The following ATP13A3 variants were observed in gnomAD, a reference collection of about 807,000 sequenced individuals.
The protein encoded by ATP13A3 is polyamine-transporting ATPase 13A3.
ATP13A3 carries 59 observed loss-of-function variants against 158.1 expected under a neutral mutation model. That is an observed-to-expected ratio of 0.37 (90% CI 0.30 to 0.46). The LOEUF is 0.46. Among genes scored for constraint, ATP13A3 ranks in the 20% least tolerant of loss-of-function variants. The pLI, the probability that ATP13A3 is intolerant of heterozygous loss-of-function variation, is 1.00. For synonymous variants in ATP13A3, 491 were observed against 504.3 expected, an observed-to-expected ratio of 0.97 and a Z score of 0.35; for missense variants, 1,166 against 1,525.2, an observed-to-expected ratio of 0.76 and a Z score of 3.92.
At position 194,430,939 on chromosome 3, in the gene ATP13A3, T is replaced by C; in HGVS notation, c.2624+4A>G. The stretch of plus-strand genomic sequence containing the variant: ...CCAAAACCAAAAAAGACACCAATAC[T>C]TACTCAACATTTTGCAATGCTTCTA... On this transcript the variant is annotated splice_donor_region_variant and intron_variant, in intron 24 of 33. Coordinates refer to ENST00000645319, the MANE Select transcript of ATP13A3 (RefSeq NM_001367549.1). 1 of 1,606,752 alleles carries C rather than the reference T, an allele frequency of 6.2e-7. No individual in the cohort carries two copies. Among genetic ancestry groups the C allele is most frequent in the Non-Finnish European group, 8.5e-7 (1 of 1,175,980 alleles).
In ATP13A3 at chr3:194,474,287, G is replaced by GGGCT. The variant is rs1397877851; in HGVS notation, c.-47+11503_-47+11506dup. The stretch of plus-strand genomic sequence containing the variant: ...AAGGGATGCTCCCTTGAGCAGGAAG[G>GGGCT]GGCTGCAGGCCTGAGCCACCACACC... On this transcript the variant is annotated intron_variant, in intron 2 of 33. Transcript: ENST00000645319. 2.0e-5 allele frequency among the ~76,000 whole-genome samples: 3 copies of GGGCT among 152,088 alleles called. No homozygotes were observed. In the East Asian group the frequency reaches 5.8e-4, roughly 29 times the overall value.
At chr3:194,452,125 C>A (rs145949438) in intron 10 of ATP13A3, 1 of 152,376 alleles carries the variant, frequency 6.6e-6, no homozygotes, top group East Asian at 1.9e-4. Context: ...GAGGCCAAGG[C>A]GGGCAGATCA....
At chr3:194,469,609 T>C (rs969955843) in intron 2 of ATP13A3, among the ~76,000 whole-genome samples, 1 of 152,228 alleles carries the variant, frequency 6.6e-6, no homozygotes, top group Non-Finnish European at 1.5e-5. Context: ...CCTTGTATTG[T>C]TGAATGAGAG....
chr3:194,455,743 G>A, intron 8 of ATP13A3, 150 bp downstream of exon 8: 1 of 584,438 alleles, frequency 1.7e-6, no homozygotes, highest in Non-Finnish European at 3.0e-6. Flanking sequence ...TTCTCTACCA[G>A]AGTAAATGTC....
At chr3:194,435,074 A>C (rs1717524857) in intron 20 of ATP13A3, among the ~76,000 whole-genome samples, 1 of 152,210 alleles carries the variant, frequency 6.6e-6, no homozygotes. Flanking sequence ...TTTCTGACAA[A>C]ATTCCAATAA....
At chr3:194,445,320 T>A (rs1353336421) in intron 14 of ATP13A3, among the ~76,000 whole-genome samples, 1 of 152,182 alleles carries the variant, frequency 6.6e-6, no homozygotes, top group Non-Finnish European at 1.5e-5. Flanking sequence ...GGATTCTGAC[T>A]GAAAAATCAA....
rs535106857 is a variant in ATP13A3, at chr3:194,446,841, T to A, written c.1497+86A>T. On this transcript the variant is annotated intron_variant, in intron 14 of 33. Coordinates refer to ENST00000645319, the MANE Select transcript of ATP13A3 (RefSeq NM_001367549.1). Reference sequence around the variant, plus strand: ...GAACATGACAGAATGTGTCCAAATTTGTTGACAAAGAAAATAAAAAACATT... The same window carrying A: ...GAACATGACAGAATGTGTCCAAATTAGTTGACAAAGAAAATAAAAAACATT... 3.1e-6 allele frequency: 4 copies of A among 1,295,222 alleles called. No individual in the cohort carries two copies. The East Asian group carries it at 7.2e-5, about 23-fold the overall frequency. The allele number at this position is 1,295,222 out of a possible 1,614,324, so 80.2% of individuals were successfully genotyped here.
In ATP13A3 at chr3:194,431,181, T is replaced by C; in HGVS notation, c.2467A>G (p.Met823Val). ...TTCATTGCAAAATGATAACGAGTCA[T>C]TTGAAGATCCTCTAAGCTATCATGG... ...LVHDSLEDLQMTRYHFAMNGK... is the reference protein window; with the variant it reads ...LVHDSLEDLQVTRYHFAMNGK... Residue 823 changes from methionine to valine, a missense_variant, in exon 23 of 34, where the codon ATG (methionine) becomes GTG (valine). By Grantham distance (21) the Met-to-Val change is conservative (BLOSUM62 1). Coordinates refer to ENST00000645319, the MANE Select transcript of ATP13A3 (RefSeq NM_001367549.1). The C allele has an allele frequency of 1.2e-6, 2 of 1,613,730 alleles. No homozygotes were observed. The highest frequency in any genetic ancestry group is 1.7e-6 in the Non-Finnish European group (2 of 1,179,654).
Position 194,462,218 on chromosome 3 carries a change from T to C in ATP13A3, c.-28A>G. 6.2e-7 allele frequency: 1 copy of C among 1,602,132 alleles called. No homozygotes were observed. The highest frequency in any genetic ancestry group is 1.1e-5 in the South Asian group (1 of 90,736). On this transcript the variant is annotated 5_prime_UTR_variant, in exon 3 of 34. Coordinates refer to ENST00000645319, the MANE Select transcript of ATP13A3 (RefSeq NM_001367549.1). ...CTACAGTGGATTAAAGGTCCAGTGC[T>C]TCAAACAATGGAAGATCACTGAGGG...
intron 2 of ATP13A3, among the ~76,000 whole-genome samples, chr3:194,473,152 A>C (rs1399199773): frequency 6.6e-6 from 1 of 152,214 alleles, no homozygotes; most frequent in Non-Finnish European, 1.5e-5. Flanking sequence ...ATAAAAGTTG[A>C]AATTTCAATG....
chr3:194,464,086 A>G (rs1719841845), intron 2 of ATP13A3, among the ~76,000 whole-genome samples: 1 of 152,192 alleles, frequency 6.6e-6, no homozygotes, highest in Non-Finnish European at 1.5e-5. Flanking sequence ...GCTTGAACCC[A>G]GGAGGCGGAG....
In ATP13A3 at chr3:194,433,994, T is replaced by TAA. The variant is rs1171321956; in HGVS notation, c.2121-100_2121-99dup. 3.2e-6 allele frequency: 4 copies of TAA among 1,244,422 alleles called. No individual in the cohort carries two copies. In the Admixed American group the frequency reaches 1.0e-4, roughly 33 times the overall value. The allele number at this position is 1,244,422 out of a possible 1,614,324, so 77.1% of individuals were successfully genotyped here. On this transcript the variant is annotated intron_variant, in intron 20 of 33. Coordinates refer to ENST00000645319, the MANE Select transcript of ATP13A3 (RefSeq NM_001367549.1). ...ATATCTAAACAATTAAAAATGTCTATAAGTTATAATGCAGTTTAAAATATC... is the reference window on the plus strand; with the variant it reads ...ATATCTAAACAATTAAAAATGTCTATAAAAGTTATAATGCAGTTTAAAATATC...
chr3:194,476,164 C>T (rs962525420), intron 2 of ATP13A3, among the ~76,000 whole-genome samples: 27 of 152,176 alleles, frequency 1.8e-4, no homozygotes, highest in Admixed American at 6.5e-5. Flanking sequence ...TTACACTAGC[C>T]TGGGTTGCTG....
chr3:194,462,097 T>C (rs1719706794), intron 3 of ATP13A3, 43 bp downstream of exon 3: 6 of 1,587,050 alleles, frequency 3.8e-6, no homozygotes, highest in Non-Finnish European at 5.2e-6. Flanking sequence ...ATTGCAGAGA[T>C]AAAGTCTTCA....
chr3:194,466,246 G>GA (rs1351940660), intron 2 of ATP13A3, among the ~76,000 whole-genome samples: 6 of 151,666 alleles, frequency 4.0e-5, no homozygotes, highest in African/African-American at 9.7e-5. Flanking sequence ...AAAATTCAGA[G>GA]AAAAAAATCA....
At chr3:194,422,973 C>A (rs1716499616) in intron 30 of ATP13A3, among the ~76,000 whole-genome samples, 1 of 150,312 alleles carries the variant, frequency 6.7e-6, no homozygotes, top group Admixed American at 6.7e-5. Flanking sequence ...TACATAGGCC[C>A]TGAATAGGAA....
At chr3:194,423,598 G>A (rs182921426) in intron 30 of ATP13A3, among the ~76,000 whole-genome samples, 33 of 152,336 alleles carry the variant, frequency 2.2e-4, no homozygotes, top group Admixed American at 1.3e-4. Flanking sequence ...TTTACCCACT[G>A]AGAGAAGTAC....
intron 24 of ATP13A3, 114 bp downstream of exon 24, chr3:194,430,827 TTA>T: frequency 1.4e-6 from 1 of 738,006 alleles, no homozygotes. Flanking sequence ...TAGATCACAA[TTA>T]TATATATAAA....
intron 24 of ATP13A3, 43 bp downstream of exon 24, chr3:194,430,900 T>C: frequency 6.8e-7 from 1 of 1,464,530 alleles, no homozygotes; most frequent in Non-Finnish European, 9.3e-7. Flanking sequence ...AATGAAACCA[T>C]CATTCATCAA....
Sources: gnomAD v4.1 joint callset for allele counts (sites outside exome capture counted in the v4.1 genomes callset) on GRCh38, gnomAD v4.1.1 for gene constraint, MANE v1.5 for transcripts, NCBI Gene and HGNC (gene_info 2026-07-23, HGNC 2026-07-21) for gene names.